The following PTAR1 variants were observed in gnomAD, a reference collection of about 807,000 sequenced individuals.
PTAR1 encodes the protein protein prenyltransferase alpha subunit repeat containing 1, also known as protein prenyltransferase alpha subunit repeat-containing protein 1.
A neutral mutation model predicts 45.5 loss-of-function variants in PTAR1; 17 were observed. The observed-to-expected ratio is 0.37, with a 90% CI of 0.26 to 0.56. PTAR1 has a LOEUF of 0.56. Ranked by LOEUF, PTAR1 falls within the 20% of genes least tolerant of loss-of-function variation. The pLI is 0.77. For missense variants in PTAR1, 391 were observed against 476.3 expected, an observed-to-expected ratio of 0.82 and a Z score of 1.67; for synonymous variants, 169 against 171.3, an observed-to-expected ratio of 0.99 and a Z score of 0.11.
At chr9:69,738,536 T>C (rs1056518233) in intron 3 of PTAR1, among the ~76,000 whole-genome samples, 1 of 152,202 alleles carries the variant, frequency 6.6e-6, no homozygotes, top group African/African-American at 2.4e-5. Context: ...TACTATGTTA[T>C]TTATTTTGTT....
intron 5 of PTAR1, among the ~76,000 whole-genome samples, chr9:69,727,963 T>C (rs1426489290): frequency 1.3e-5 from 2 of 152,294 alleles, no homozygotes; most frequent in South Asian, 2.1e-4. Flanking sequence ...CTATTAGAAG[T>C]TACATCCCAT....
At chr9:69,743,240 G>A (rs536976903) in intron 2 of PTAR1, among the ~76,000 whole-genome samples, 4 of 152,206 alleles carry the variant, frequency 2.6e-5, no homozygotes, top group East Asian at 1.9e-4. Context: ...CAATTTGCCC[G>A]TAGTCACCCA....
At chr9:69,719,328 C>T (rs960903731) in intron 6 of PTAR1, among the ~76,000 whole-genome samples, 2 of 152,120 alleles carry the variant, frequency 1.3e-5, no homozygotes, top group Admixed American at 1.3e-4. Flanking sequence ...GAGCAATTCT[C>T]CTGCCCTTAC....
At chr9:69,736,471 C>T (rs1854684) in intron 3 of PTAR1, among the ~76,000 whole-genome samples, 62,233 of 152,026 alleles carry the variant, frequency 0.41, 13,052 homozygotes, top group East Asian at 0.49. Context: ...GCAGGAGAAT[C>T]GCTTGAACCC....
intron 7 of PTAR1, 32 bp downstream of exon 7, chr9:69,718,618 T>A: frequency 1.2e-6 from 2 of 1,613,070 alleles, no homozygotes; most frequent in Non-Finnish European, 1.7e-6. Flanking sequence ...TGTCTGCAGG[T>A]GACAACTGGG....
chr9:69,712,745 A>G lies in PTAR1; in HGVS notation c.*5597T>C, dbSNP rs1387175105. 6.6e-6 allele frequency: 1 copy of G among 152,098 alleles called. No individual in the cohort carries two copies. Among genetic ancestry groups the G allele is most frequent in the African/African-American group, 2.4e-5 (1 of 41,430 alleles). The allele number at this position is 152,098 out of a possible 1,614,324, so 9.4% of individuals were successfully genotyped here. A position where few individuals can be genotyped will look rare whatever the true frequency, so the allele number is the denominator to read the frequency against. On this transcript the variant is annotated 3_prime_UTR_variant, in exon 8 of 8. Transcript: ENST00000340434. ...ATCATTTTCCTCAACAGTATTTCTA[A>G]AAGTTGAGAATGATGTCAACTAAAA...
Position 69,718,528 on chromosome 9 carries a change from C to T in PTAR1, c.1023G>A (p.Leu341=), listed in dbSNP as rs12353506. 1 of 1,613,708 alleles carries T rather than the reference C, an allele frequency of 6.2e-7. No individual in the cohort carries two copies. The highest frequency in any genetic ancestry group is 8.5e-7 in the Non-Finnish European group (1 of 1,179,706). The change falls in exon 8 of 8, where the codon CTG becomes CTA. Residue 341 remains leucine, a synonymous_variant. Transcript: ENST00000340434. ...AATAGCCTTGCTTGCTAGAGTCATT[C>T]AGTCCATCTACTTCCATTGCTTGAG... ...QLSQAMEVDG[L]NDSSKQGYSQ... is the part of the protein sequence containing the mutation.
In PTAR1 at chr9:69,709,965, G is replaced by A. The variant is rs1017235441; in HGVS notation, c.*8377C>T. 1.8e-4 allele frequency: 27 copies of A among 152,084 alleles called. No homozygotes were observed. Among genetic ancestry groups the A allele is most frequent in the African/African-American group, 6.3e-4 (26 of 41,428 alleles). 9.4% of individuals were successfully genotyped at this position (152,084 alleles called of 1,614,324 possible). A position where few individuals can be genotyped will look rare whatever the true frequency, so the allele number is the denominator to read the frequency against. On this transcript the variant is annotated 3_prime_UTR_variant, in exon 8 of 8. Transcript: ENST00000340434. ...TATGGAATTATTCCTCCTTAATAAT[G>A]CTTGGCAAATTGGAACAGGCTGATC...
In PTAR1 at chr9:69,713,138, T is replaced by C. The variant is rs767160319; in HGVS notation, c.*5204A>G. 1 of 152,112 alleles carries C rather than the reference T, an allele frequency of 6.6e-6. No homozygotes were observed. Among genetic ancestry groups the C allele is most frequent in the African/African-American group, 2.4e-5 (1 of 41,418 alleles). The allele number at this position is 152,112 out of a possible 1,614,324, so 9.4% of individuals were successfully genotyped here. A position where few individuals can be genotyped will look rare whatever the true frequency, so the allele number is the denominator to read the frequency against. ...AATCATCCAGAAAGCACAAATTATA[T>C]ATAGCTAATATTCTTGGAAGCACAA... On this transcript the variant is annotated 3_prime_UTR_variant, in exon 8 of 8. Coordinates refer to ENST00000340434, the MANE Select transcript of PTAR1 (RefSeq NM_001099666.2).
intron 1 of PTAR1, among the ~76,000 whole-genome samples, chr9:69,755,776 T>C (rs13293591): frequency 0.29 from 43,441 of 152,082 alleles, 7,653 homozygotes; most frequent in Admixed American, 0.4. Flanking sequence ...AGAAACCTTA[T>C]AGGCTTTCTC....
chr9:69,751,655 T>C (rs1029033694), intron 1 of PTAR1, among the ~76,000 whole-genome samples: 2 of 152,048 alleles, frequency 1.3e-5, no homozygotes, highest in African/African-American at 4.8e-5. Context: ...CAAATGTGTT[T>C]ATGCTTGCTT....
intron 1 of PTAR1, 79 bp from the exon 2 acceptor site, chr9:69,751,029 T>TA (rs1826505415): frequency 1.0e-6 from 1 of 1,004,062 alleles, no homozygotes; most frequent in Non-Finnish European, 1.4e-6. Flanking sequence ...CAGAGTATTT[T>TA]AAAAACCCCA....
chr9:69,744,117 A>G (rs970333518), intron 2 of PTAR1, among the ~76,000 whole-genome samples: 5 of 152,200 alleles, frequency 3.3e-5, no homozygotes, highest in African/African-American at 1.2e-4. Flanking sequence ...TGTACCAGGA[A>G]GTGAAACCTT....
chr9:69,743,377 T>C (rs965537051), intron 2 of PTAR1, among the ~76,000 whole-genome samples: 1 of 152,200 alleles, frequency 6.6e-6, no homozygotes, highest in Non-Finnish European at 1.5e-5. Flanking sequence ...TTTTAATATC[T>C]AAGAGCAAAT....
chr9:69,728,959 G>A (rs770709913), intron 5 of PTAR1, among the ~76,000 whole-genome samples: 4 of 152,140 alleles, frequency 2.6e-5, no homozygotes, highest in African/African-American at 7.2e-5. Flanking sequence ...TTTACCATGT[G>A]CCAAGCACTG....
chr9:69,754,476 A>T (rs1336401515), intron 1 of PTAR1, among the ~76,000 whole-genome samples: 1 of 151,688 alleles, frequency 6.6e-6, no homozygotes, highest in African/African-American at 2.4e-5. Flanking sequence ...AAACAAAAAA[A>T]ACCCTAAAAG....
At chr9:69,731,622 C>T (rs1588457680) in intron 5 of PTAR1, among the ~76,000 whole-genome samples, 1 of 152,266 alleles carries the variant, frequency 6.6e-6, no homozygotes, top group East Asian at 1.9e-4. Flanking sequence ...TCTCTAGATC[C>T]ACCCTCATTC....
In PTAR1 at chr9:69,727,064, C is replaced by CAT. The variant is rs146949927; in HGVS notation, c.643-3436_643-3435dup. ...ACACACACACACACGTATACACACA[C>CAT]ATATATATATACGATGTACGACATA... On this transcript the variant is annotated intron_variant, in intron 5 of 7. Transcript: ENST00000340434. Among the ~76,000 whole-genome samples the CAT allele has an allele frequency of 1.4e-3, 216 of 150,736 alleles. 4 individuals carry two copies. Among genetic ancestry groups the CAT allele is most frequent in the Middle Eastern group, 3.5e-3 (1 of 286 alleles).
In PTAR1 at chr9:69,712,780, A is replaced by G. The variant is rs1824574392; in HGVS notation, c.*5562T>C. On this transcript the variant is annotated 3_prime_UTR_variant, in exon 8 of 8. Coordinates refer to ENST00000340434, the MANE Select transcript of PTAR1 (RefSeq NM_001099666.2). Reference sequence around the variant, plus strand: ...ATGATGTCAACTAAAACAAAATACAATCATCCCCACCTCTACCAAAGATGG... The same window carrying G: ...ATGATGTCAACTAAAACAAAATACAGTCATCCCCACCTCTACCAAAGATGG... The G allele has an allele frequency of 6.6e-6, 1 of 152,168 alleles. No individual in the cohort carries two copies. The highest frequency in any genetic ancestry group is 1.5e-5 in the Non-Finnish European group (1 of 68,010). The allele number at this position is 152,168 out of a possible 1,614,324, so 9.4% of individuals were successfully genotyped here. A position where few individuals can be genotyped will look rare whatever the true frequency, so the allele number is the denominator to read the frequency against.
Sources: allele counts gnomAD v4.1 joint callset (sites outside exome capture counted in the v4.1 genomes callset), GRCh38; gene constraint gnomAD v4.1.1; transcripts MANE v1.5; gene names NCBI Gene and HGNC (gene_info 2026-07-23, HGNC 2026-07-21).